Variants in MED4 observed in about 807,000 individuals in gnomAD.
MED4 encodes mediator of RNA polymerase II transcription subunit 4.
A neutral mutation model predicts 35.0 loss-of-function variants in MED4; 21 were observed. That is an observed-to-expected ratio of 0.60 (90% CI 0.43 to 0.86). MED4 has a LOEUF of 0.86. Among genes scored for constraint, MED4 ranks in the 40% least tolerant of loss-of-function variants. The probability of loss-of-function intolerance (pLI) is 0.00; values close to 1 mark genes in which losing one functional copy is unlikely to be tolerated. For missense variants in MED4, 300 were observed against 319.4 expected, an observed-to-expected ratio of 0.94 and a Z score of 0.46; for synonymous variants, 138 against 114.0, an observed-to-expected ratio of 1.21 and a Z score of -1.34.
rs374578357 is a variant in MED4 at position 48,095,050 on chromosome 13, T to C, written c.29A>G (p.Glu10Gly). Residue 10 changes from glutamate (E) to glycine (G), a missense_variant, in exon 1 of 7, where the codon GAG becomes GGG. Transcript: ENST00000258648. MAASSSGEK[E>G]KERLGGGLGV... ...CAAACCGCCTCCCAGCCGCTCCTTC[T>C]CCTTCTCACCACTCGAAGACGCAGC... The C allele has an allele frequency of 8.1e-6, 13 of 1,605,282 alleles. No homozygotes were observed. Among genetic ancestry groups the C allele is most frequent in the African/African-American group, 1.3e-5 (1 of 74,910 alleles).
intron 1 of MED4, 109 bp downstream of exon 1, chr13:48,094,845 C>T (rs991533072): frequency 2.7e-6 from 4 of 1,484,924 alleles, no homozygotes; most frequent in Non-Finnish European, 3.6e-6. Flanking sequence ...AACTCCCGAG[C>T]TGGCCCTCCC....
At chr13:48,090,878 A>T (rs1443097244) in intron 1 of MED4, among the ~76,000 whole-genome samples, 1 of 152,250 alleles carries the variant, frequency 6.6e-6, no homozygotes, top group Non-Finnish European at 1.5e-5. Context: ...GGCCAAATCC[A>T]GCACTTCTGC....
At chr13:48,092,403 C>A (rs913109632) in intron 1 of MED4, among the ~76,000 whole-genome samples, 3 of 152,208 alleles carry the variant, frequency 2.0e-5, no homozygotes, top group Non-Finnish European at 4.4e-5. Context: ...TGAGCCACTG[C>A]GCCCGGCCTA....
At chr13:48,082,335 T>C (rs1950814913) in intron 4 of MED4, among the ~76,000 whole-genome samples, 1 of 152,232 alleles carries the variant, frequency 6.6e-6, no homozygotes, top group African/African-American at 2.4e-5. Flanking sequence ...CATTAATAGT[T>C]ACCTCTGAGA....
At chr13:48,082,282 T>C (rs1255690715) in intron 4 of MED4, among the ~76,000 whole-genome samples, 1 of 151,792 alleles carries the variant, frequency 6.6e-6, no homozygotes, top group Non-Finnish European at 1.5e-5. Context: ...ATTACATACA[T>C]ACTCACAGAT....
chr13:48,089,568 CTA>C (rs1238394933), intron 2 of MED4, among the ~76,000 whole-genome samples: 1 of 151,896 alleles, frequency 6.6e-6, no homozygotes, highest in Non-Finnish European at 1.5e-5. Context: ...CACAGTGAGA[CTA>C]TGTCTCTACC....
At chr13:48,090,260 T>G in intron 2 of MED4, 92 bp downstream of exon 2, 1 of 981,662 alleles carries the variant, frequency 1.0e-6, no homozygotes. Flanking sequence ...CCACACAAAG[T>G]AAATATAAAG....
At chr13:48,084,837 G>T (rs906813800) in intron 3 of MED4, among the ~76,000 whole-genome samples, 64 of 150,974 alleles carry the variant, frequency 4.2e-4, no homozygotes, top group African/African-American at 1.5e-3. Context: ...CATATTTACA[G>T]ATTTTAATAT....
Position 48,076,935 on chromosome 13 carries a change from C to G in MED4, c.*204G>C, listed in dbSNP as rs1466911660. On this transcript the variant is annotated 3_prime_UTR_variant, in exon 7 of 7. Coordinates refer to ENST00000258648, the MANE Select transcript of MED4 (RefSeq NM_014166.4). ...AAATTTTGACTATTCCCCTAAATAT[C>G]TACCTAGTGGCTTAAAACTAAAACT... 4.3e-6 allele frequency: 2 copies of G among 462,314 alleles called. No individual in the cohort carries two copies. The highest frequency in any genetic ancestry group is 7.6e-6 in the Non-Finnish European group (2 of 263,674). 28.6% of individuals were successfully genotyped at this position (462,314 alleles called of 1,614,324 possible).
intron 2 of MED4, among the ~76,000 whole-genome samples, chr13:48,087,211 C>CA (rs558525680): frequency 2.0e-4 from 30 of 151,608 alleles, no homozygotes; most frequent in African/African-American, 6.5e-4. Flanking sequence ...ACTGAAAATA[C>CA]AAAATTAGCT....
Position 48,095,037 on chromosome 13 carries a change from C to G in MED4, c.42G>C (p.Leu14=), listed in dbSNP as rs1157966225. 7 of 1,606,342 alleles carry G rather than the reference C, an allele frequency of 4.4e-6. No homozygotes were observed. Among genetic ancestry groups the G allele is most frequent in the African/African-American group, 4.0e-5 (3 of 74,934 alleles). ...CACCCGCCACTCCCAAACCGCCTCC[C>G]AGCCGCTCCTTCTCCTTCTCACCAC... ...SSSGEKEKER[L]GGGLGVAGGN... The change falls in exon 1 of 7, where the codon CTG becomes CTC. Residue 14 remains leucine, a synonymous_variant. Transcript: ENST00000258648.
chr13:48,076,838 G>A lies in MED4; in HGVS notation c.*301C>T. On this transcript the variant is annotated 3_prime_UTR_variant, in exon 7 of 7. Transcript: ENST00000258648. Reference sequence around the variant, plus strand: ...TTCCCTCAACTCTATTTCTAGAATGGCTATGTACAAATCCAGCAAAACTGG... The same window carrying A: ...TTCCCTCAACTCTATTTCTAGAATGACTATGTACAAATCCAGCAAAACTGG... The A allele has an allele frequency of 4.3e-6, 1 of 231,150 alleles. No homozygotes were observed. The allele number at this position is 231,150 out of a possible 1,614,324, so 14.3% of individuals were successfully genotyped here. A position where few individuals can be genotyped will look rare whatever the true frequency, so the allele number is the denominator to read the frequency against.
At chr13:48,094,443 C>G (rs901808021) in intron 1 of MED4, among the ~76,000 whole-genome samples, 1 of 152,184 alleles carries the variant, frequency 6.6e-6, no homozygotes, top group African/African-American at 2.4e-5. Flanking sequence ...ACTTGCTGTT[C>G]CATCTATCTG....
chr13:48,079,799 G>C, intron 6 of MED4, 45 bp downstream of exon 6: 1 of 1,591,476 alleles, frequency 6.3e-7, no homozygotes. Flanking sequence ...TGTCATCTCT[G>C]GAAAACCCTG....
At position 48,081,666 on chromosome 13, in the gene MED4, C is replaced by T; in HGVS notation, c.487G>A (p.Ala163Thr). 1 of 1,611,320 alleles carries T rather than the reference C, an allele frequency of 6.2e-7. No homozygotes were observed. The highest frequency in any genetic ancestry group is 8.5e-7 in the Non-Finnish European group (1 of 1,178,860). ...HRISASNAVC[A>T]PLTWVPGDPR... Reference sequence around the variant, plus strand: ...TTACCTGGAACCCAGGTCAGTGGAGCACATACAGCATTACTTGCACTGATC... The same window carrying T: ...TTACCTGGAACCCAGGTCAGTGGAGTACATACAGCATTACTTGCACTGATC... The change falls in exon 5 of 7, where the codon GCT (alanine) becomes ACT (threonine). Residue 163 changes from alanine (A) to threonine (T), a missense_variant. Physicochemically the swap from Ala to Thr is moderately conservative, Grantham distance 58. Transcript: ENST00000258648.
At chr13:48,094,919 C>A in intron 1 of MED4, 35 bp downstream of exon 1, 2 of 1,597,934 alleles carry the variant, frequency 1.3e-6, no homozygotes, top group African/African-American at 2.7e-5. Flanking sequence ...TCCCCCGGCC[C>A]AGCTCCAGCC....
intron 2 of MED4, among the ~76,000 whole-genome samples, chr13:48,086,762 C>A (rs1171519063): frequency 1.3e-5 from 2 of 152,106 alleles, no homozygotes; most frequent in African/African-American, 4.8e-5. Flanking sequence ...TAAAGTTTAT[C>A]CTTATGGCTG....
At chr13:48,090,520 C>A in intron 1 of MED4, 102 bp from the exon 2 acceptor site, 1 of 816,722 alleles carries the variant, frequency 1.2e-6, no homozygotes, top group Non-Finnish European at 1.9e-6. Flanking sequence ...TACAGCTCAC[C>A]AAGACTCGCT....
chr13:48,079,942 T>C lies in MED4; in HGVS notation c.542A>G (p.Glu181Gly), dbSNP rs745941610. ...CTGACCCAGTAACCCACTTCTCATC[T>C]CTAAATCAGTTGGGTAGGGTCTCCG... ...DPRRPYPTDL[E>G]MRSGLLGQMN... Residue 181 changes from glutamate to glycine, a missense_variant, in exon 6 of 7, where the codon GAG becomes GGG. Coordinates refer to ENST00000258648, the MANE Select transcript of MED4 (RefSeq NM_014166.4). 1.2e-6 allele frequency: 2 copies of C among 1,613,864 alleles called. No individual in the cohort carries two copies. Among genetic ancestry groups the C allele is most frequent in the Non-Finnish European group, 1.7e-6 (2 of 1,179,816 alleles).
Sources: allele counts gnomAD v4.1 joint callset (sites outside exome capture counted in the v4.1 genomes callset), GRCh38; gene constraint gnomAD v4.1.1; transcripts MANE v1.5; gene names NCBI Gene and HGNC (gene_info 2026-07-23, HGNC 2026-07-21).